The following RCL1 variants were observed in gnomAD, a reference collection of about 807,000 sequenced individuals.
RCL1 encodes the protein RNA 3'-terminal phosphate cyclase-like protein.
A neutral mutation model predicts 42.4 loss-of-function variants in RCL1; 24 were observed. The ratio of observed to expected loss-of-function variants is 0.57; its 90% CI spans 0.41 to 0.80. The LOEUF (loss-of-function observed/expected upper bound fraction) is 0.80. Ranked by LOEUF, RCL1 falls within the 30% of genes least tolerant of loss-of-function variation. The pLI, the probability that RCL1 is intolerant of heterozygous loss-of-function variation, is 0.00. For missense variants in RCL1, 578 were observed against 467.9 expected (o/e 1.24, Z -2.17); for synonymous variants, 228 against 177.3 (o/e 1.29, Z -2.27).
rs116241283 is a variant in RCL1 at position 4,811,315 on chromosome 9, A to G, written c.137-12233A>G. Reference sequence around the variant, plus strand: ...AAAAGGAAAAAAGAAAATATACAGTAAATTATTGTTAATTATGGTCACTCT... The same window carrying G: ...AAAAGGAAAAAAGAAAATATACAGTGAATTATTGTTAATTATGGTCACTCT... On this transcript the variant is annotated intron_variant, in intron 1 of 8. Coordinates refer to ENST00000381750, the MANE Select transcript of RCL1 (RefSeq NM_005772.5). 9.0e-3 allele frequency among the ~76,000 whole-genome samples: 1,371 copies of G among 151,920 alleles called. 24 individuals carry two copies. The highest frequency in any genetic ancestry group is 0.032 in the African/African-American group (1,321 of 41,462).
chr9:4,818,495 A>G (rs1169845890), intron 1 of RCL1, among the ~76,000 whole-genome samples: 2 of 152,182 alleles, frequency 1.3e-5, no homozygotes, highest in Non-Finnish European at 2.9e-5. Context: ...ATGTGTTTGC[A>G]ATGTCTACCT....
At position 4,827,761 on chromosome 9, in the gene RCL1, C is replaced by CGTGT. The variant is rs59604765; in HGVS notation, c.384+744_384+747dup. Among the ~76,000 whole-genome samples, 1,235 of 147,368 alleles carry CGTGT rather than the reference C, an allele frequency of 8.4e-3. 15 individuals are homozygous for CGTGT. The highest frequency in any genetic ancestry group is 0.039 in the East Asian group (196 of 4,992). On this transcript the variant is annotated intron_variant, in intron 3 of 8. Transcript: ENST00000381750. The stretch of plus-strand genomic sequence containing the variant: ...GTGTGTGTGTGTGTGTGTGTGCACG[C>CGTGT]GTGTGTGTGTGTGTGTGTGAGAGAG...
intron 1 of RCL1, among the ~76,000 whole-genome samples, chr9:4,810,435 G>A (rs892129304): frequency 6.6e-5 from 10 of 152,168 alleles, no homozygotes; most frequent in Non-Finnish European, 1.3e-4. Context: ...GAATCATATA[G>A]TACGTAATTG....
rs371953393 is a variant in RCL1 at position 4,807,166 on chromosome 9, G to A, written c.136+13939G>A. ...GTCTTGTCTGTGTCCTCACCTTTTAGTTCAGTCTTGCTGGACGTTGTCAAT... is the reference window on the plus strand; with the variant it reads ...GTCTTGTCTGTGTCCTCACCTTTTAATTCAGTCTTGCTGGACGTTGTCAAT... On this transcript the variant is annotated intron_variant, in intron 1 of 8. Transcript: ENST00000381750. 5.3e-5 allele frequency among the ~76,000 whole-genome samples: 8 copies of A among 152,202 alleles called. No individual in the cohort carries two copies. The East Asian group carries it at 1.5e-3, about 29-fold the overall frequency.
At chr9:4,859,407 A>G (rs547084888) in intron 8 of RCL1, among the ~76,000 whole-genome samples, 44 of 152,288 alleles carry the variant, frequency 2.9e-4, no homozygotes, top group African/African-American at 1.0e-3. Context: ...TCTAGTCTCT[A>G]TCTATACCAC....
chr9:4,860,431 T>C lies in RCL1; in HGVS notation c.*156T>C, dbSNP rs1818134613. 1 of 811,668 alleles carries C rather than the reference T, an allele frequency of 1.2e-6. No individual in the cohort carries two copies. Among genetic ancestry groups the C allele is most frequent in the African/African-American group, 1.8e-5 (1 of 55,678 alleles). The allele number at this position is 811,668 out of a possible 1,614,324, so 50.3% of individuals were successfully genotyped here. A position where few individuals can be genotyped will look rare whatever the true frequency, so the allele number is the denominator to read the frequency against. On this transcript the variant is annotated 3_prime_UTR_variant, in exon 9 of 9. Coordinates refer to ENST00000381750, the MANE Select transcript of RCL1 (RefSeq NM_005772.5). ...TCAATATACAAATAAAAGACATCCC[T>C]GTAGCATATGGTTTCCAGCTGTTTC...
intron 1 of RCL1, among the ~76,000 whole-genome samples, chr9:4,816,777 A>G (rs1164977459): frequency 6.6e-6 from 1 of 152,170 alleles, no homozygotes; most frequent in East Asian, 1.9e-4. Flanking sequence ...TACAATAGCC[A>G]TCTTTACACA....
intron 8 of RCL1, among the ~76,000 whole-genome samples, chr9:4,855,072 A>AAAAAAAAAAC (rs56709677): frequency 3.6e-5 from 5 of 140,626 alleles, no homozygotes; most frequent in African/African-American, 2.7e-5. Flanking sequence ...AAAAAAAAAA[A>AAAAAAAAAAC]ATAGGAAAAG....
intron 1 of RCL1, among the ~76,000 whole-genome samples, chr9:4,794,349 T>C (rs183394995): frequency 9.2e-5 from 14 of 152,290 alleles, no homozygotes; most frequent in Admixed American, 9.2e-4. Context: ...GGTACAGTGG[T>C]GAGAAACCTA....
At chr9:4,805,417 G>A (rs1280144807) in intron 1 of RCL1, among the ~76,000 whole-genome samples, 1 of 151,970 alleles carries the variant, frequency 6.6e-6, no homozygotes, top group Non-Finnish European at 1.5e-5. Context: ...GAAGGGGAAG[G>A]GGAAGGCCAA....
chr9:4,829,515 C>T (rs938383275), intron 3 of RCL1, among the ~76,000 whole-genome samples: 1 of 152,104 alleles, frequency 6.6e-6, no homozygotes, highest in African/African-American at 2.4e-5. Flanking sequence ...GCAGCCTAAC[C>T]ATATAAGGAT....
intron 5 of RCL1, among the ~76,000 whole-genome samples, chr9:4,836,998 A>T (rs1368950596): frequency 6.6e-6 from 1 of 152,170 alleles, no homozygotes; most frequent in Non-Finnish European, 1.5e-5. Context: ...GAACAGGCAA[A>T]AGGAGAAATG....
intron 1 of RCL1, among the ~76,000 whole-genome samples, chr9:4,801,159 G>C (rs145826410): frequency 4.6e-5 from 7 of 152,106 alleles, no homozygotes; most frequent in Non-Finnish European, 1.5e-5. Flanking sequence ...TAATAGGATT[G>C]TTTGTATTAA....
chr9:4,830,297 T>C (rs1298748382), intron 3 of RCL1, among the ~76,000 whole-genome samples: 1 of 151,978 alleles, frequency 6.6e-6, no homozygotes, highest in Non-Finnish European at 1.5e-5. Context: ...GAGGTTGGGA[T>C]TTTTTTTAGA....
chr9:4,841,211 A>C (rs190682920), intron 5 of RCL1, 21 bp from the exon 6 acceptor site: 3 of 1,613,768 alleles, frequency 1.9e-6, no homozygotes, highest in Non-Finnish European at 2.5e-6. Context: ...GCAGAATGAC[A>C]TCCTTAACTC....
At chr9:4,841,075 T>G in intron 5 of RCL1, 157 bp from the exon 6 acceptor site, 2 of 713,864 alleles carry the variant, frequency 2.8e-6, no homozygotes, top group South Asian at 4.2e-5. Flanking sequence ...TGAAAAAAAT[T>G]TAATTATGGT....
Position 4,792,950 on chromosome 9 carries a change from C to G in RCL1, c.-142C>G. 1 of 832,118 alleles carries G rather than the reference C, an allele frequency of 1.2e-6. No individual in the cohort carries two copies. The highest frequency in any genetic ancestry group is 1.9e-5 in the South Asian group (1 of 51,296). 51.5% of individuals were successfully genotyped at this position (832,118 alleles called of 1,614,324 possible). On this transcript the variant is annotated 5_prime_UTR_variant, in exon 1 of 9. Coordinates refer to ENST00000381750, the MANE Select transcript of RCL1 (RefSeq NM_005772.5). ...CTCTCCGTCTTCCTGTTCCAAACCA[C>G]GTGGACGCGTCTGGGCTGCTGGAGG...
At chr9:4,813,304 A>G (rs1816246242) in intron 1 of RCL1, among the ~76,000 whole-genome samples, 1 of 152,252 alleles carries the variant, frequency 6.6e-6, no homozygotes, top group Non-Finnish European at 1.5e-5. Flanking sequence ...AAGGGCTAAT[A>G]TCCAGAATCT....
chr9:4,814,740 A>G (rs1355948049), intron 1 of RCL1, among the ~76,000 whole-genome samples: 2 of 151,338 alleles, frequency 1.3e-5, no homozygotes, highest in African/African-American at 4.9e-5. Flanking sequence ...ATGTTTTTTC[A>G]TGGTAGTGAT....
Sources: gnomAD v4.1 joint callset for allele counts (sites outside exome capture counted in the v4.1 genomes callset) on GRCh38, gnomAD v4.1.1 for gene constraint, MANE v1.5 for transcripts, NCBI Gene and HGNC (gene_info 2026-07-23, HGNC 2026-07-21) for gene names.